Variants in PITPNB observed in about 807,000 individuals in gnomAD.
PITPNB encodes the protein phosphatidylinositol transfer protein beta, also known as phosphatidylinositol transfer protein beta isoform.
In PITPNB, 16 loss-of-function variants were observed where a neutral mutation model predicts 45.9. The ratio of observed to expected loss-of-function variants is 0.35; its 90% confidence interval spans 0.24 to 0.53. PITPNB has a LOEUF of 0.53. Among genes scored for constraint, PITPNB ranks in the 20% least tolerant of loss-of-function variants. PITPNB has a pLI of 0.93. For missense variants in PITPNB, 188 were observed against 330.5 expected (o/e 0.57, Z 3.34); for synonymous variants, 112 against 108.9 (o/e 1.03, Z -0.18).
chr22:27,874,280 G>GCA (rs886233384), intron 7 of PITPNB, among the ~76,000 whole-genome samples: 23 of 152,194 alleles, frequency 1.5e-4, no homozygotes, highest in African/African-American at 5.3e-4. Context: ...CGATTCTGCA[G>GCA]CACCCCCAAC....
chr22:27,876,335 T>A (rs931492544), intron 7 of PITPNB, among the ~76,000 whole-genome samples: 8 of 152,224 alleles, frequency 5.3e-5, no homozygotes, highest in Admixed American at 5.2e-4. Flanking sequence ...CATATACATA[T>A]GTATGTATGA....
intron 7 of PITPNB, among the ~76,000 whole-genome samples, chr22:27,877,813 T>A (rs770561884): frequency 1.3e-5 from 2 of 152,096 alleles, no homozygotes; most frequent in Non-Finnish European, 2.9e-5. Flanking sequence ...AAAATTGAGA[T>A]GAGCTCCAGA....
At chr22:27,854,741 A>T in intron 11 of PITPNB, 113 bp downstream of exon 11, 1 of 565,132 alleles carries the variant, frequency 1.8e-6, no homozygotes, top group Non-Finnish European at 3.1e-6. Context: ...TATCTTTTAA[A>T]TTCTAAAAAT....
At chr22:27,865,292 C>T (rs1934452885) in intron 8 of PITPNB, among the ~76,000 whole-genome samples, 2 of 152,206 alleles carry the variant, frequency 1.3e-5, no homozygotes, top group South Asian at 4.1e-4. Context: ...AGTCTTCATT[C>T]TTCTTTCACT....
rs1319274284 is a variant in PITPNB at position 27,880,907 on chromosome 22, C to A, written c.457-7092G>T. Among the ~76,000 whole-genome samples the A allele has an allele frequency of 3.3e-5, 5 of 152,190 alleles. No individual in the cohort carries two copies. The East Asian group carries it at 9.6e-4, about 29-fold the overall frequency. ...AACTGCTGGGATTACAGGCGTGAGC[C>A]ACTGCACCCAGTTAATAAAATTTTA... On this transcript the variant is annotated intron_variant, in intron 7 of 11. Transcript: ENST00000335272.
At chr22:27,876,823 T>C (rs1046450000) in intron 7 of PITPNB, among the ~76,000 whole-genome samples, 2 of 152,250 alleles carry the variant, frequency 1.3e-5, no homozygotes, top group African/African-American at 2.4e-5. Context: ...TAGTGTGGAA[T>C]GAGACAGCCT....
chr22:27,914,362 GA>G lies in PITPNB; in HGVS notation c.21-16del, dbSNP rs1569037717. On this transcript the variant is annotated splice_polypyrimidine_tract_variant and intron_variant, in intron 1 of 11. Transcript: ENST00000335272. ...AAACCACACGGCTAAAAAGACAAAA[GA>G]AAAAATATATATATTACATATGAAA... The G allele has an allele frequency of 8.5e-6, 13 of 1,530,290 alleles. No individual in the cohort carries two copies. The highest frequency in any genetic ancestry group is 2.3e-5 in the South Asian group (2 of 87,666). 94.8% of individuals were successfully genotyped at this position (1,530,290 alleles called of 1,614,324 possible).
intron 2 of PITPNB, among the ~76,000 whole-genome samples, chr22:27,912,642 TAAAA>T (rs536495395): frequency 1.4e-5 from 2 of 144,536 alleles, no homozygotes; most frequent in African/African-American, 5.1e-5. Flanking sequence ...AATAAAAAAT[TAAAA>T]AAAAAAAGAA....
Position 27,886,706 on chromosome 22 carries a change from C to A in PITPNB, c.456+7849G>T, listed in dbSNP as rs138946417. On this transcript the variant is annotated intron_variant, in intron 7 of 11. Transcript: ENST00000335272. ...AATATTTGGGGCTGCATTTGTATTACATTCACCTGCAGTGACAGAAAGCCC... is the reference window on the plus strand; with the variant it reads ...AATATTTGGGGCTGCATTTGTATTAAATTCACCTGCAGTGACAGAAAGCCC... Among the ~76,000 whole-genome samples, 1,026 of 152,340 alleles carry A rather than the reference C, an allele frequency of 6.7e-3. 7 individuals carry two copies. The highest frequency in any genetic ancestry group is 0.022 in the African/African-American group (931 of 41,578).
rs368535141 is a variant in PITPNB at position 27,860,123 on chromosome 22, G to C, written c.645+8C>G. ...AATCTAAGTCACCACATTTTGAGCA[G>C]ATTTTACCTTTTGAATGAAGTTTTC... On this transcript the variant is annotated splice_region_variant and intron_variant, in intron 9 of 11. Coordinates refer to ENST00000335272, the MANE Select transcript of PITPNB (RefSeq NM_012399.5). The C allele has an allele frequency of 3.2e-6, 5 of 1,541,214 alleles. No individual in the cohort carries two copies. In the Admixed American group the frequency reaches 6.7e-5, roughly 21 times the overall value.
chr22:27,897,045 A>G, intron 5 of PITPNB, 85 bp downstream of exon 5: 2 of 953,640 alleles, frequency 2.1e-6, no homozygotes, highest in Non-Finnish European at 3.5e-6. Flanking sequence ...AGGTGCAGTT[A>G]GCAAAGAATG....
At position 27,851,868 on chromosome 22, in the gene PITPNB, T is replaced by C. The variant is rs1422648995; in HGVS notation, c.*1834A>G. 2.0e-5 allele frequency: 3 copies of C among 152,180 alleles called. No individual in the cohort carries two copies. The highest frequency in any genetic ancestry group is 7.2e-5 in the African/African-American group (3 of 41,448). 9.4% of individuals were successfully genotyped at this position (152,180 alleles called of 1,614,324 possible). On this transcript the variant is annotated 3_prime_UTR_variant, in exon 12 of 12. Coordinates refer to ENST00000335272, the MANE Select transcript of PITPNB (RefSeq NM_012399.5). ...TGTGCGCCTAAGCTCCCAATGATACTACAGATGCCAGCGAGAGTTAAGTTC... is the reference window on the plus strand; with the variant it reads ...TGTGCGCCTAAGCTCCCAATGATACCACAGATGCCAGCGAGAGTTAAGTTC...
rs567560503 is a variant in PITPNB at position 27,914,507 on chromosome 22, C to G, written c.21-160G>C. ...TTATGGAAGAGGGTCTTTGCAATGCCTACACCATAATTGGGGAACTAAAAC... is the reference window on the plus strand; with the variant it reads ...TTATGGAAGAGGGTCTTTGCAATGCGTACACCATAATTGGGGAACTAAAAC... On this transcript the variant is annotated intron_variant, in intron 1 of 11. Transcript: ENST00000335272. Among the ~76,000 whole-genome samples, 4 of 152,168 alleles carry G rather than the reference C, an allele frequency of 2.6e-5. No homozygotes were observed. The East Asian group carries it at 7.7e-4, about 29-fold the overall frequency.
At chr22:27,918,172 G>C (rs1405350521) in intron 1 of PITPNB, among the ~76,000 whole-genome samples, 1 of 152,136 alleles carries the variant, frequency 6.6e-6, no homozygotes, top group Non-Finnish European at 1.5e-5. Context: ...GGTGAGACAG[G>C]GAGTCTTTGG....
chr22:27,906,517 G>C (rs1298056526), intron 3 of PITPNB, among the ~76,000 whole-genome samples: 1 of 152,140 alleles, frequency 6.6e-6, no homozygotes, highest in Non-Finnish European at 1.5e-5. Context: ...GTGGTTAAGA[G>C]GGCAGGTTCT....
At chr22:27,866,916 C>T (rs535564831) in intron 8 of PITPNB, among the ~76,000 whole-genome samples, 20 of 152,214 alleles carry the variant, frequency 1.3e-4, no homozygotes, top group African/African-American at 3.4e-4. Context: ...CACAAGATTA[C>T]GAAATATATG....
rs192451970 is a variant in PITPNB, at chr22:27,916,391, A to C, written c.21-2044T>G. Among the ~76,000 whole-genome samples, 357 of 152,350 alleles carry C rather than the reference A, an allele frequency of 2.3e-3. 1 individual carries two copies. The highest frequency in any genetic ancestry group is 3.4e-3 in the Non-Finnish European group (233 of 68,030). On this transcript the variant is annotated intron_variant, in intron 1 of 11. Transcript: ENST00000335272. ...CCTCATAAAAATAATTTCCAAATGG[A>C]ATCAGTAACTAGTTCTTTAAAACCA...
rs373997878 is a variant in PITPNB, at chr22:27,894,799, TAA to T, written c.373-163_373-162del. On this transcript the variant is annotated intron_variant, in intron 6 of 11. Transcript: ENST00000335272. The stretch of plus-strand genomic sequence containing the variant: ...TAGCTGTCTGACATTTTGCAGGATC[TAA>T]AAGTCTTTTATTACCACTTATAACC... 2.0e-4 allele frequency among the ~76,000 whole-genome samples: 30 copies of T among 152,344 alleles called. No homozygotes were observed. The East Asian group carries it at 5.0e-3, about 25-fold the overall frequency.
intron 8 of PITPNB, among the ~76,000 whole-genome samples, chr22:27,865,107 GACT>G (rs754366643): frequency 2.0e-5 from 3 of 152,068 alleles, no homozygotes; most frequent in East Asian, 1.9e-4. Flanking sequence ...AATTAAATGA[GACT>G]ACAACTAATT....
Sources: gnomAD v4.1 joint callset for allele counts (sites outside exome capture counted in the v4.1 genomes callset) on GRCh38, gnomAD v4.1.1 for gene constraint, MANE v1.5 for transcripts, NCBI Gene and HGNC (gene_info 2026-07-23, HGNC 2026-07-21) for gene names.